ZNF44: variants seen among roughly 807,000 people sequenced by gnomAD.
ZNF44 encodes zinc finger protein 44.
ZNF44 carries 9 observed loss-of-function variants against 11.7 expected under a neutral mutation model. That is an observed-to-expected ratio of 0.77 (90% CI 0.46 to 1.35). ZNF44 has a LOEUF of 1.35. ZNF44 is among the 40% of genes most tolerant of loss of function. ZNF44 has a pLI of 0.00. For missense variants in ZNF44, 696 were observed against 743.1 expected (o/e 0.94, Z 0.74); for synonymous variants, 224 against 242.7 (o/e 0.92, Z 0.72).
intron 5 of ZNF44, among the ~76,000 whole-genome samples, chr19:12,255,091 A>AACACACACAC (rs140940065): frequency 5.1e-4 from 74 of 145,732 alleles, no homozygotes; most frequent in African/African-American, 1.7e-3. Context: ...TCCGTCTCAA[A>AACACACACAC]ACACACACAC....
At chr19:12,280,682 CA>C (rs1461949213) in intron 1 of ZNF44, among the ~76,000 whole-genome samples, 1 of 152,036 alleles carries the variant, frequency 6.6e-6, no homozygotes, top group Non-Finnish European at 1.5e-5. Context: ...AAATAAAAAA[CA>C]AGGCCCCAAA....
chr19:12,247,312 A>C (rs771922010), downstream of ZNF44: 5 of 1,274,414 alleles, frequency 3.9e-6, no homozygotes, highest in Non-Finnish European at 4.1e-6. Flanking sequence ...TGGTATTGTA[A>C]GGATGCACGC....
chr19:12,274,266 C>CT (rs869093549), intron 3 of ZNF44, among the ~76,000 whole-genome samples: 4,170 of 90,192 alleles, frequency 0.046, 100 homozygotes, highest in Non-Finnish European at 0.058. Flanking sequence ...ATTCTTAATT[C>CT]TTTTTTTTTT....
At position 12,284,802 on chromosome 19, in the gene ZNF44, A is replaced by G. The variant is rs891087270; in HGVS notation, c.4-8720T>C. 14 of 1,189,314 alleles carry G rather than the reference A, an allele frequency of 1.2e-5. 1 individual carries two copies. The highest frequency in any genetic ancestry group is 1.3e-5 in the South Asian group (1 of 76,460). The allele number at this position is 1,189,314 out of a possible 1,614,324, so 73.7% of individuals were successfully genotyped here. A position where few individuals can be genotyped will look rare whatever the true frequency, so the allele number is the denominator to read the frequency against. On this transcript the variant is annotated intron_variant, in intron 1 of 3. Coordinates refer to ENST00000355684, the MANE Select transcript of ZNF44 (RefSeq NM_016264.4). ...CAAGCTCTCCACTGTCCTCGTGCGC[A>G]GAGGCTACTGGGGGAACAAGATCGG...
downstream of ZNF44, chr19:12,247,466 T>C (rs779001063): frequency 1.5e-6 from 2 of 1,337,054 alleles, no homozygotes; most frequent in East Asian, 9.9e-5. Flanking sequence ...TATGAATTCG[T>C]TCATGTATAT....
intron 5 of ZNF44, among the ~76,000 whole-genome samples, chr19:12,264,520 T>C (rs1247575655): frequency 6.6e-6 from 1 of 152,172 alleles, no homozygotes; most frequent in Non-Finnish European, 1.5e-5. Flanking sequence ...GTATAAAGCA[T>C]GGAAGCAAAC....
chr19:12,257,513 C>T (rs548858022), intron 5 of ZNF44, among the ~76,000 whole-genome samples: 3 of 151,770 alleles, frequency 2.0e-5, no homozygotes, highest in Non-Finnish European at 2.9e-5. Context: ...ATTGGCCAGG[C>T]GTGGTGGCTC....
intron 7 of ZNF44, chr19:12,248,705 A>C: frequency 8.6e-7 from 1 of 1,168,886 alleles, no homozygotes; most frequent in South Asian, 1.5e-5. Flanking sequence ...GCACATTAAT[A>C]GTTCATTTTT....
intron 5 of ZNF44, among the ~76,000 whole-genome samples, chr19:12,252,177 C>T (rs1376124849): frequency 6.6e-6 from 1 of 151,902 alleles, no homozygotes; most frequent in East Asian, 1.9e-4. Flanking sequence ...TCCAAAAGAA[C>T]ATAAAATGCC....
chr19:12,271,679 G>C (rs537737020), downstream of ZNF44: 2 of 152,174 alleles, frequency 1.3e-5, no homozygotes, highest in Non-Finnish European at 2.9e-5. Flanking sequence ...TCTGAGTATT[G>C]AAACAAGAAA....
rs1394127752 is a variant in ZNF44 at position 12,273,654 on chromosome 19, A to G, written c.601T>C (p.Leu201=). Reference sequence around the variant, plus strand: ...GGCCAAAAAAAGGCTTTCCCACACAATTCACATTTATAAGGTCCATCTCCA... The same window carrying G: ...GGCCAAAAAAAGGCTTTCCCACACAGTTCACATTTATAAGGTCCATCTCCA... ...KGGDGPYKCE[L]CGKAFFWPSL... is the part of the protein sequence containing the mutation. The change falls in exon 4 of 4, where the codon TTG becomes CTG. Residue 201 remains leucine (L), a synonymous_variant. Transcript: ENST00000355684. 1 of 1,614,036 alleles carries G rather than the reference A, an allele frequency of 6.2e-7. No individual in the cohort carries two copies. The highest frequency in any genetic ancestry group is 1.3e-5 in the African/African-American group (1 of 74,932).
chr19:12,239,982 A>G (rs1353217332), upstream of ZNF44, among the ~76,000 whole-genome samples: 2 of 152,234 alleles, frequency 1.3e-5, no homozygotes, highest in African/African-American at 4.8e-5. Flanking sequence ...AGAGGCCTGT[A>G]TCTTGTACAC....
At chr19:12,248,414 A>G (rs1916844087) in exon 8 of ZNF44, 3 of 1,290,868 alleles carry the variant, frequency 2.3e-6, no homozygotes, top group Non-Finnish European at 3.0e-6. Context: ...AAGACTGCAG[A>G]TAACTGAAGG....
At chr19:12,286,402 G>A (rs1290202766) in intron 1 of ZNF44, among the ~76,000 whole-genome samples, 2 of 152,162 alleles carry the variant, frequency 1.3e-5, no homozygotes, top group Non-Finnish European at 2.9e-5. Flanking sequence ...TTGGGAGACC[G>A]AGGTGGGTGG....
intron 1 of ZNF44, among the ~76,000 whole-genome samples, chr19:12,292,855 G>GTTTTTTTTTTTTTTTTT (rs71166664): frequency 1.3e-5 from 1 of 76,914 alleles, no homozygotes; most frequent in African/African-American, 4.9e-5. Context: ...CAGAGGTTAG[G>GTTTTTTTTTTTTTTTTT]TTTTTTTTTT....
intron 5 of ZNF44, among the ~76,000 whole-genome samples, chr19:12,266,041 G>C (rs1917714440): frequency 6.6e-6 from 1 of 152,226 alleles, no homozygotes; most frequent in Non-Finnish European, 1.5e-5. Context: ...GCCCAGAGAG[G>C]GCTCTGGGGC....
intron 1 of ZNF44, chr19:12,293,125 T>C: frequency 7.4e-7 from 1 of 1,355,122 alleles, no homozygotes; most frequent in Non-Finnish European, 9.8e-7. Flanking sequence ...CCGCCTCGGC[T>C]TCCCAAAGTG....
Position 12,273,858 on chromosome 19 carries a change from A to C in ZNF44, c.397T>G (p.Cys133Gly). The change falls in exon 4 of 4, where the codon TGT becomes GGT. Residue 133 changes from cysteine (C) to glycine (G), a missense_variant. Transcript: ENST00000355684. ...RVDTGHKHRECHEYAEKSYTH... is the reference protein window; with the variant it reads ...RVDTGHKHREGHEYAEKSYTH... The stretch of plus-strand genomic sequence containing the variant: ...TATGACTTCTCTGCATATTCATGAC[A>C]CTCCCGGTGTTTGTGTCCAGTATCA... 6.2e-7 allele frequency: 1 copy of C among 1,613,646 alleles called. No homozygotes were observed. The highest frequency in any genetic ancestry group is 8.5e-7 in the Non-Finnish European group (1 of 1,179,952).
chr19:12,225,221 T>G (rs530063639), downstream of ZNF44: 1 of 152,522 alleles, frequency 6.6e-6, no homozygotes, highest in South Asian at 2.1e-4. Context: ...GTGCCGTCTG[T>G]AGATATTTTT....
Sources: gnomAD v4.1 joint callset for allele counts (sites outside exome capture counted in the v4.1 genomes callset) on GRCh38, gnomAD v4.1.1 for gene constraint, MANE v1.5 for transcripts, NCBI Gene and HGNC (gene_info 2026-07-23, HGNC 2026-07-21) for gene names.